C2CD2: variants seen among roughly 807,000 people sequenced by gnomAD.
C2CD2 encodes the protein C2 domain-containing protein 2.
C2CD2 carries 43 observed loss-of-function variants against 74.3 expected under a neutral mutation model. That is an observed-to-expected ratio of 0.58 (90% CI 0.45 to 0.75). The LOEUF (loss-of-function observed/expected upper bound fraction) is 0.75. Among genes scored for constraint, C2CD2 ranks in the 30% least tolerant of loss-of-function variants. The pLI, the probability that C2CD2 is intolerant of heterozygous loss-of-function variation, is 0.00. For missense variants in C2CD2, 801 were observed against 916.3 expected, an observed-to-expected ratio of 0.87 and a Z score of 1.63; for synonymous variants, 422 against 390.7, an observed-to-expected ratio of 1.08 and a Z score of -0.94.
At chr21:41,905,916 C>G in intron 10 of C2CD2, 79 bp from the exon 11 acceptor site, 1 of 807,780 alleles carries the variant, frequency 1.2e-6, no homozygotes, top group Non-Finnish European at 2.2e-6. Context: ...GAAAGGACAG[C>G]CCTCACTGCA....
intron 6 of C2CD2, among the ~76,000 whole-genome samples, chr21:41,914,294 TAAA>T (rs72131335): frequency 3.2e-4 from 43 of 134,858 alleles, no homozygotes; most frequent in Admixed American, 5.9e-4. Context: ...GTTCAACAGT[TAAA>T]AAAAAAAAAA....
chr21:41,931,422 G>C (rs2065260054), intron 2 of C2CD2, among the ~76,000 whole-genome samples: 1 of 104,776 alleles, frequency 9.5e-6, no homozygotes, highest in African/African-American at 3.5e-5. Flanking sequence ...TTTGAGAAGA[G>C]TGTCTTTTTT....
In C2CD2 at chr21:41,892,781, G is replaced by A. The variant is rs1244113240; in HGVS notation, c.1871-3437C>T. Among the ~76,000 whole-genome samples, 2 of 152,264 alleles carry A rather than the reference G, an allele frequency of 1.3e-5. No individual in the cohort carries two copies. Among genetic ancestry groups the A allele is most frequent in the Admixed American group, 1.3e-4 (2 of 15,290 alleles). On this transcript the variant is annotated intron_variant, in intron 13 of 13. Transcript: ENST00000380486. The surrounding 1 kb of genome is among the most constrained non-coding windows in gnomAD (Gnocchi z 4.6). ...TCGGAGGCCACAGCCGACAACGCAG[G>A]AGCAGGCCAGGGCCAAGGACACAGG... is the stretch of plus-strand genomic sequence containing the variant.
chr21:41,916,181 CAG>C (rs2065088220), intron 5 of C2CD2, among the ~76,000 whole-genome samples: 1 of 152,156 alleles, frequency 6.6e-6, no homozygotes, highest in South Asian at 2.1e-4. Context: ...TTGTCTGGGA[CAG>C]AGATGAAATC....
At chr21:41,896,360 C>T (rs1016645145) in intron 13 of C2CD2, among the ~76,000 whole-genome samples, 9 of 152,134 alleles carry the variant, frequency 5.9e-5, no homozygotes, top group African/African-American at 1.9e-4. Flanking sequence ...AGACACCACA[C>T]GCACACAGGA....
rs2064699038 is a variant in C2CD2, at chr21:41,887,559, C to A, written c.*1565G>T. 6.7e-6 allele frequency: 1 copy of A among 150,064 alleles called. No individual in the cohort carries two copies. The highest frequency in any genetic ancestry group is 1.5e-5 in the Non-Finnish European group (1 of 67,558). The allele number at this position is 150,064 out of a possible 1,614,324, so 9.3% of individuals were successfully genotyped here. On this transcript the variant is annotated 3_prime_UTR_variant, in exon 14 of 14. Transcript: ENST00000380486. ...GGTTTTTACTAAAAAAGAAAAAATC[C>A]TATAATTTTGGTTTTTATATAGGTT...
intron 10 of C2CD2, 31 bp from the exon 11 acceptor site, chr21:41,905,868 G>T (rs776001591): frequency 8.3e-7 from 1 of 1,201,542 alleles, no homozygotes. Flanking sequence ...TTACAAAAGC[G>T]GCCCCGTGGC....
At chr21:41,938,708 C>T (rs1034781078) in intron 2 of C2CD2, among the ~76,000 whole-genome samples, 10 of 151,658 alleles carry the variant, frequency 6.6e-5, no homozygotes, top group South Asian at 2.1e-4. Flanking sequence ...GGTTCATCCA[C>T]GTTATAGCCT....
chr21:41,935,931 T>C (rs1005068551), intron 2 of C2CD2, among the ~76,000 whole-genome samples: 6 of 151,802 alleles, frequency 4.0e-5, no homozygotes, highest in African/African-American at 1.5e-4. Context: ...ATCTCACACA[T>C]ATATAAAAAT....
At chr21:41,942,395 T>C (rs960367743) in intron 1 of C2CD2, 150 bp from the exon 2 acceptor site, 5 of 652,748 alleles carry the variant, frequency 7.7e-6, no homozygotes, top group African/African-American at 5.5e-5. Flanking sequence ...AATGGCTAAA[T>C]ATCAGGAGCT....
chr21:41,930,389 T>A (rs1280143340), intron 2 of C2CD2, among the ~76,000 whole-genome samples: 1 of 150,034 alleles, frequency 6.7e-6, no homozygotes, highest in Non-Finnish European at 1.5e-5. Flanking sequence ...CAATAACTCA[T>A]ACTCTTTTTC....
At chr21:41,919,573 A>G (rs2065133259) in intron 3 of C2CD2, among the ~76,000 whole-genome samples, 1 of 152,206 alleles carries the variant, frequency 6.6e-6, no homozygotes, top group Non-Finnish European at 1.5e-5. Flanking sequence ...GGCATAAAGG[A>G]AAGAGGAGTG....
rs368197262 is a variant in C2CD2, at chr21:41,899,276, G to A, written c.1647C>T (p.Ser549=). 38 of 1,611,982 alleles carry A rather than the reference G, an allele frequency of 2.4e-5. No individual in the cohort carries two copies. The highest frequency in any genetic ancestry group is 2.9e-5 in the Non-Finnish European group (34 of 1,179,980). Residue 549 remains serine (S), a synonymous_variant, in exon 13 of 14, where the codon TCC becomes TCT. Coordinates refer to ENST00000380486, the MANE Select transcript of C2CD2 (RefSeq NM_015500.2). The surrounding 1 kb of genome is among the most constrained non-coding windows in gnomAD (Gnocchi z 4.4). ...VDSTHQEDAP[S]HPERAAASAP... ...CAGAGGCTGCCGCCCTCTCCGGATG[G>A]GATGGGGCGTCCTCCTGGTGGGTGC... is the stretch of plus-strand genomic sequence containing the variant.
At chr21:41,927,539 C>T (rs866028252) in intron 2 of C2CD2, among the ~76,000 whole-genome samples, 2 of 152,094 alleles carry the variant, frequency 1.3e-5, no homozygotes, top group South Asian at 4.1e-4. Flanking sequence ...GGCAGGATCT[C>T]GGCTCACCAA....
chr21:41,934,858 T>G lies in C2CD2; in HGVS notation c.378+7289A>C, dbSNP rs79239262. Among the ~76,000 whole-genome samples the G allele has an allele frequency of 5.0e-4, 39 of 78,568 alleles. 1 individual carries two copies. The highest frequency in any genetic ancestry group is 2.1e-3 in the Admixed American group (17 of 8,198). 51.5% of individuals were successfully genotyped at this position (78,568 alleles called of 152,430 possible). A position where few individuals can be genotyped will look rare whatever the true frequency, so the allele number is the denominator to read the frequency against. On this transcript the variant is annotated intron_variant, in intron 2 of 13. Transcript: ENST00000380486. Reference sequence around the variant, plus strand: ...CTGCTGCTTCACAGCCTTGCCTCGTTTTTTTTTTTTGCTTGTTTGTTTGTC... The same window carrying G: ...CTGCTGCTTCACAGCCTTGCCTCGTGTTTTTTTTTTGCTTGTTTGTTTGTC...
intron 1 of C2CD2, among the ~76,000 whole-genome samples, chr21:41,947,967 A>C (rs2065416121): frequency 6.6e-6 from 1 of 152,158 alleles, no homozygotes; most frequent in African/African-American, 2.4e-5. Flanking sequence ...GGGGAATTTT[A>C]GTTGATGTGA....
intron 13 of C2CD2, among the ~76,000 whole-genome samples, chr21:41,897,431 G>A (rs1467445077): frequency 3.9e-5 from 6 of 152,164 alleles, no homozygotes; most frequent in Non-Finnish European, 7.3e-5. Context: ...TAGGCCACAG[G>A]TGTGTGTGTC....
At chr21:41,950,540 G>A (rs1024489449) in intron 1 of C2CD2, among the ~76,000 whole-genome samples, 5 of 152,204 alleles carry the variant, frequency 3.3e-5, no homozygotes, top group South Asian at 2.1e-4. Flanking sequence ...TGGAAGGTGC[G>A]AGCCCCACTG....
At chr21:41,951,254 C>T (rs558578966) in intron 1 of C2CD2, among the ~76,000 whole-genome samples, 1 of 152,198 alleles carries the variant, frequency 6.6e-6, no homozygotes, top group East Asian at 1.9e-4. Context: ...GGTGTGTGAC[C>T]GTCACTCACA....
Sources: allele counts gnomAD v4.1 joint callset (sites outside exome capture counted in the v4.1 genomes callset), GRCh38; gene constraint gnomAD v4.1.1; non-coding constraint Gnocchi (gnomAD v3.1); transcripts MANE v1.5; gene names NCBI Gene and HGNC (gene_info 2026-07-23, HGNC 2026-07-21).